NCAN: variants seen among roughly 807,000 people sequenced by gnomAD.
NCAN encodes neurocan, also known as neurocan core protein.
NCAN carries 47 observed loss-of-function variants against 121.8 expected under a neutral mutation model. The observed-to-expected ratio is 0.39, with a 90% confidence interval of 0.31 to 0.49. NCAN has a LOEUF of 0.49. Ranked by LOEUF, NCAN falls within the 20% of genes least tolerant of loss-of-function variation. NCAN has a pLI of 0.92. For synonymous variants in NCAN, 633 were observed against 702.0 expected (o/e 0.90, Z 1.55); for missense variants, 1,517 against 1,773.4 (o/e 0.86, Z 2.60).
chr19:19,226,466 T>C lies in NCAN; in HGVS notation c.1073-20T>C, dbSNP rs779791413. 50 of 1,536,742 alleles carry C rather than the reference T, an allele frequency of 3.3e-5. 1 individual carries two copies. On this transcript the variant is annotated intron_variant, in intron 6 of 14. Transcript: ENST00000252575. ...GGCAACCCCTGGGCCTAACACAACCTCTTCTGCTTTCTCCCACAGCTCATC... is the reference window on the plus strand; with the variant it reads ...GGCAACCCCTGGGCCTAACACAACCCCTTCTGCTTTCTCCCACAGCTCATC...
chr19:19,219,672 CAAAA>C (rs56231208), intron 3 of NCAN, among the ~76,000 whole-genome samples: 2 of 49,256 alleles, frequency 4.1e-5, no homozygotes, highest in Non-Finnish European at 6.6e-5. Flanking sequence ...GACCCTGTCA[CAAAA>C]AAAAAAAAAA....
chr19:19,221,710 A>T (rs2060817394), intron 3 of NCAN, among the ~76,000 whole-genome samples: 1 of 151,670 alleles, frequency 6.6e-6, no homozygotes, highest in South Asian at 2.1e-4. Flanking sequence ...AGATGGTGAG[A>T]CCTCGTCTCT....
intron 11 of NCAN, among the ~76,000 whole-genome samples, chr19:19,239,972 C>G (rs751774338): frequency 4.9e-5 from 7 of 142,754 alleles, no homozygotes; most frequent in Non-Finnish European, 1.1e-4. Flanking sequence ...TCTTCCTCCT[C>G]CTTTCTCTTC....
chr19:19,223,553 A>C (rs987003954), intron 3 of NCAN, among the ~76,000 whole-genome samples: 4 of 151,822 alleles, frequency 2.6e-5, no homozygotes, highest in Admixed American at 2.6e-4. Flanking sequence ...GCTCACCGCA[A>C]CCTCTGCCTC....
chr19:19,237,980 T>C lies in NCAN; in HGVS notation c.3251-273T>C, dbSNP rs1042585639. Among the ~76,000 whole-genome samples the C allele has an allele frequency of 7.3e-5, 11 of 150,972 alleles. 1 individual carries two copies. Among genetic ancestry groups the C allele is most frequent in the Non-Finnish European group, 1.5e-5 (1 of 67,776 alleles). On this transcript the variant is annotated intron_variant, in intron 10 of 14. Coordinates refer to ENST00000252575, the MANE Select transcript of NCAN (RefSeq NM_004386.3). ...ATTGCTTGAGTATGGGAGGCGGAGGTAGCAGTGAGCCGAGATTGTGCCATT... is the reference window on the plus strand; with the variant it reads ...ATTGCTTGAGTATGGGAGGCGGAGGCAGCAGTGAGCCGAGATTGTGCCATT...
At chr19:19,240,986 A>G (rs144925573) in intron 12 of NCAN, among the ~76,000 whole-genome samples, 2 of 152,104 alleles carry the variant, frequency 1.3e-5, no homozygotes, top group Non-Finnish European at 2.9e-5. Flanking sequence ...AAATATTCTC[A>G]TTTCTAGCCT....
At chr19:19,218,247 C>T (rs1226498198) in intron 2 of NCAN, among the ~76,000 whole-genome samples, 1 of 151,492 alleles carries the variant, frequency 6.6e-6, no homozygotes, top group Non-Finnish European at 1.5e-5. Context: ...CACTGCACTC[C>T]AGCCTGGGAG....
chr19:19,228,681 CAGGG>C (rs1347501689), intron 8 of NCAN, 42 bp downstream of exon 8: 1 of 1,558,636 alleles, frequency 6.4e-7, no homozygotes, highest in South Asian at 1.2e-5. Context: ...TCTCCATGGT[CAGGG>C]CTTGGGGAGC....
rs1421679880 is a variant in NCAN at position 19,227,446 on chromosome 19, C to T, written c.1826C>T (p.Ala609Val). Residue 609 changes from alanine to valine, a missense_variant, in exon 8 of 15, where the codon GCC (alanine) becomes GTC (valine). Transcript: ENST00000252575. This position sits in a 1 kb window ranked among gnomAD's most constrained non-coding sequence, Gnocchi z 4.2. ...GACCTGTTTTGGTCCCCCTTGGAGGCCACTGTCTCAGCTCCCAGCCCTGCC... is the reference window on the plus strand; with the variant it reads ...GACCTGTTTTGGTCCCCCTTGGAGGTCACTGTCTCAGCTCCCAGCCCTGCC... The part of the protein sequence containing the change: ...TPDLFWSPLE[A>V]TVSAPSPAPW... 6.2e-7 allele frequency: 1 copy of T among 1,613,616 alleles called. No individual in the cohort carries two copies. Among genetic ancestry groups the T allele is most frequent in the Admixed American group, 1.7e-5 (1 of 59,978 alleles).
At chr19:19,237,958 G>C (rs888275771) in intron 10 of NCAN, among the ~76,000 whole-genome samples, 1 of 152,284 alleles carries the variant, frequency 6.6e-6, no homozygotes, top group South Asian at 2.1e-4. Flanking sequence ...TGGGAGGATT[G>C]CTTGAGTATG....
intron 13 of NCAN, among the ~76,000 whole-genome samples, chr19:19,246,114 T>G (rs1321029185): frequency 6.6e-6 from 1 of 152,186 alleles, no homozygotes; most frequent in Non-Finnish European, 1.5e-5. Context: ...CTTGGCTCAC[T>G]TCAACCTCTG....
At chr19:19,231,539 G>C (rs189107467) in intron 8 of NCAN, among the ~76,000 whole-genome samples, 52 of 152,054 alleles carry the variant, frequency 3.4e-4, no homozygotes, top group African/African-American at 1.2e-3. Context: ...ATGTTGACCA[G>C]GTTGGTCTCA....
chr19:19,237,818 C>T (rs1405456823), intron 10 of NCAN, among the ~76,000 whole-genome samples: 6 of 151,990 alleles, frequency 3.9e-5, no homozygotes, highest in Non-Finnish European at 8.8e-5. Flanking sequence ...CTGAGGTGGG[C>T]AGATCACTTG....
chr19:19,248,707 T>C lies in NCAN; in HGVS notation c.3645T>C (p.Cys1215=). Residue 1215 remains cysteine (C), a synonymous_variant, in exon 14 of 15, where the codon TGT becomes TGC. Transcript: ENST00000252575. ...GAGATTCCTCTGTCCCAGTGCTCTG[T>C]GGTCCCCCTCCGGCAGTGGAGAATG... ...PYVCKKGTVL[C]GPPPAVENAS... 1 of 1,614,036 alleles carries C rather than the reference T, an allele frequency of 6.2e-7. No homozygotes were observed. Among genetic ancestry groups the C allele is most frequent in the Non-Finnish European group, 8.5e-7 (1 of 1,179,928 alleles).
intron 8 of NCAN, 39 bp downstream of exon 8, chr19:19,228,678 G>A: frequency 6.4e-6 from 10 of 1,562,184 alleles, no homozygotes; most frequent in Non-Finnish European, 8.7e-6. Context: ...AGCTCTCCAT[G>A]GTCAGGGCTT....
chr19:19,232,120 C>T (rs910024513), intron 8 of NCAN, among the ~76,000 whole-genome samples: 3 of 151,928 alleles, frequency 2.0e-5, no homozygotes, highest in South Asian at 2.1e-4. Flanking sequence ...GGTGGGAGGG[C>T]GACCACATAG....
chr19:19,226,941 C>A lies in NCAN; in HGVS notation c.1528C>A (p.Pro510Thr). The part of the protein sequence containing the change: ...LQGGMEASAQ[P>T]PTSEAAVNQM... ...AGGGGGGATGGAGGCCAGCGCCCAGCCCCCCACCTCAGAGGCTGCAGTGAA... is the reference window on the plus strand; with the variant it reads ...AGGGGGGATGGAGGCCAGCGCCCAGACCCCCACCTCAGAGGCTGCAGTGAA... The change falls in exon 7 of 15, where the codon CCC (proline) becomes ACC (threonine). Residue 510 changes from proline (P) to threonine (T), a missense_variant. Physicochemically the swap from Pro to Thr is conservative, Grantham distance 38 (BLOSUM62 -1). Coordinates refer to ENST00000252575, the MANE Select transcript of NCAN (RefSeq NM_004386.3). The A allele has an allele frequency of 6.3e-7, 1 of 1,575,936 alleles. No individual in the cohort carries two copies. The highest frequency in any genetic ancestry group is 2.2e-5 in the East Asian group (1 of 44,530).
In NCAN at chr19:19,225,970, C is replaced by T. The variant is rs558440237; in HGVS notation, c.1073-516C>T. Among the ~76,000 whole-genome samples the T allele has an allele frequency of 3.3e-5, 5 of 152,304 alleles. No homozygotes were observed. The highest frequency in any genetic ancestry group is 1.5e-5 in the Non-Finnish European group (1 of 68,020). ...TTTGAGACAGAGTCTCACTCTGTCA[C>T]CCAGGCTGGAGTGCAGTGGTGTGAT... is the stretch of plus-strand genomic sequence containing the variant. On this transcript the variant is annotated intron_variant, in intron 6 of 14. Coordinates refer to ENST00000252575, the MANE Select transcript of NCAN (RefSeq NM_004386.3). This position sits in a 1 kb window ranked among gnomAD's most constrained non-coding sequence, Gnocchi z 4.0.
intron 9 of NCAN, 67 bp from the exon 10 acceptor site, chr19:19,234,915 GT>G (rs1433676959): frequency 5.0e-6 from 5 of 1,005,066 alleles, no homozygotes; most frequent in Non-Finnish European, 7.5e-6. Flanking sequence ...CTTCTGCTTA[GT>G]TTCCTGTGGG....
Sources: allele counts gnomAD v4.1 joint callset (sites outside exome capture counted in the v4.1 genomes callset), GRCh38; gene constraint gnomAD v4.1.1; non-coding constraint Gnocchi (gnomAD v3.1); transcripts MANE v1.5; gene names NCBI Gene and HGNC (gene_info 2026-07-23, HGNC 2026-07-21).